The following RNF150 variants were observed in gnomAD, a reference collection of about 807,000 sequenced individuals.
The protein encoded by RNF150 is ring finger protein 150.
In RNF150, 24 loss-of-function variants were observed where a neutral mutation model predicts 39.3. That is an observed-to-expected ratio of 0.61 (90% CI 0.44 to 0.86). RNF150 has a LOEUF of 0.86. RNF150 is among the 40% of genes least tolerant of loss of function. The pLI, the probability that RNF150 is intolerant of heterozygous loss-of-function variation, is 0.00. For missense variants in RNF150, 502 were observed against 587.8 expected (o/e 0.85, Z 1.51); for synonymous variants, 255 against 227.3 (o/e 1.12, Z -1.10).
intron 1 of RNF150, among the ~76,000 whole-genome samples, chr4:141,127,839 T>A (rs1377331023): frequency 6.6e-6 from 1 of 152,050 alleles, no homozygotes; most frequent in South Asian, 2.1e-4. Flanking sequence ...ACACACTCTT[T>A]AAAAAAGAAA....
At chr4:141,123,965 G>T (rs900941916) in intron 1 of RNF150, among the ~76,000 whole-genome samples, 1 of 152,040 alleles carries the variant, frequency 6.6e-6, no homozygotes, top group African/African-American at 2.4e-5. Context: ...TGGATATTTG[G>T]GTTGGTTCCA....
chr4:140,906,954 G>A (rs186638660), intron 6 of RNF150, among the ~76,000 whole-genome samples: 3 of 152,212 alleles, frequency 2.0e-5, no homozygotes, highest in Admixed American at 2.0e-4. Flanking sequence ...ATCACAGGAA[G>A]GTTTCAGACC....
chr4:141,058,122 T>C (rs2110911092), intron 1 of RNF150, among the ~76,000 whole-genome samples: 1 of 152,330 alleles, frequency 6.6e-6, no homozygotes, highest in East Asian at 1.9e-4. Context: ...GATACATCCC[T>C]GTTAAAATGA....
At chr4:141,053,424 A>C (rs931983341) in intron 1 of RNF150, among the ~76,000 whole-genome samples, 40 of 152,246 alleles carry the variant, frequency 2.6e-4, no homozygotes, top group South Asian at 6.2e-4. Context: ...AGGATCATTA[A>C]GAGAAGGGAG....
At chr4:140,956,080 C>T (rs1243187199) in intron 2 of RNF150, among the ~76,000 whole-genome samples, 2 of 152,176 alleles carry the variant, frequency 1.3e-5, no homozygotes, top group Non-Finnish European at 2.9e-5. Flanking sequence ...CAAAAAAGAT[C>T]CCTACTTAGT....
chr4:140,891,699 A>G (rs1240032409), intron 6 of RNF150, among the ~76,000 whole-genome samples: 1 of 151,982 alleles, frequency 6.6e-6, no homozygotes, highest in Non-Finnish European at 1.5e-5. Context: ...ATCTATGCAC[A>G]TCCTTTTGTA....
intron 1 of RNF150, among the ~76,000 whole-genome samples, chr4:141,165,690 G>C (rs896772962): frequency 2.0e-5 from 3 of 152,158 alleles, no homozygotes; most frequent in Non-Finnish European, 4.4e-5. Flanking sequence ...ACCTGCTTCT[G>C]AATGACTACT....
At chr4:141,055,934 G>A (rs1736949015) in intron 1 of RNF150, among the ~76,000 whole-genome samples, 2 of 152,162 alleles carry the variant, frequency 1.3e-5, no homozygotes, top group Non-Finnish European at 2.9e-5. Flanking sequence ...AAATAGTGGA[G>A]TGCATGTTAT....
At chr4:141,032,335 TAGA>T (rs1193521647) in intron 1 of RNF150, among the ~76,000 whole-genome samples, 2 of 152,144 alleles carry the variant, frequency 1.3e-5, no homozygotes, top group African/African-American at 4.8e-5. Flanking sequence ...TTCAGTTAGA[TAGA>T]AGGAGTAAGT....
intron 1 of RNF150, among the ~76,000 whole-genome samples, chr4:141,139,557 T>C (rs537605837): frequency 6.6e-6 from 1 of 152,380 alleles, no homozygotes; most frequent in East Asian, 1.9e-4. Context: ...TATGACTATA[T>C]TCTCAGCGTC....
At chr4:141,023,574 T>C (rs1386211653) in intron 1 of RNF150, among the ~76,000 whole-genome samples, 1 of 152,154 alleles carries the variant, frequency 6.6e-6, no homozygotes, top group East Asian at 1.9e-4. Flanking sequence ...TTTTATATCT[T>C]ATTTTACCTA....
At chr4:141,166,985 G>A (rs957020856) in intron 1 of RNF150, among the ~76,000 whole-genome samples, 1 of 152,082 alleles carries the variant, frequency 6.6e-6, no homozygotes. Context: ...ATTCAAATAG[G>A]AAGAGAGGAA....
intron 1 of RNF150, among the ~76,000 whole-genome samples, chr4:141,068,479 A>C (rs1226878681): frequency 6.6e-6 from 1 of 152,096 alleles, no homozygotes; most frequent in Non-Finnish European, 1.5e-5. Context: ...GTATAGTTTG[A>C]AGTCAGGTAG....
rs896417224 is a variant in RNF150 at position 140,869,959 on chromosome 4, A to G, written c.1199-1580T>C. ...GAAGAAATATGCAATTAAAAAAACC[A>G]ACAAAAATGTATAAGTACTAAAGAA... On this transcript the variant is annotated intron_variant, in intron 6 of 6. Transcript: ENST00000515673. Among the ~76,000 whole-genome samples, 17 of 152,330 alleles carry G rather than the reference A, an allele frequency of 1.1e-4. No individual in the cohort carries two copies. In the East Asian group the frequency reaches 2.9e-3, roughly 26 times the overall value.
chr4:141,115,387 T>C (rs1054974428), intron 1 of RNF150, among the ~76,000 whole-genome samples: 4 of 152,096 alleles, frequency 2.6e-5, no homozygotes, highest in Non-Finnish European at 5.9e-5. Flanking sequence ...AAACTCCCAT[T>C]CACAATTGCT....
intron 1 of RNF150, among the ~76,000 whole-genome samples, chr4:141,188,108 T>A (rs1001726509): frequency 2.6e-5 from 4 of 152,136 alleles, no homozygotes; most frequent in African/African-American, 9.7e-5. Context: ...GCTTATGAAG[T>A]TTAGTTTGGC....
upstream of RNF150, among the ~76,000 whole-genome samples, chr4:141,134,203 T>C (rs1726985168): frequency 6.6e-6 from 1 of 152,132 alleles, no homozygotes; most frequent in East Asian, 1.9e-4. Context: ...TTTGGGTTAT[T>C]GTTTATAGTG....
intron 1 of RNF150, among the ~76,000 whole-genome samples, chr4:141,020,251 AT>A (rs1735442404): frequency 1.3e-5 from 2 of 152,000 alleles, no homozygotes; most frequent in African/African-American, 4.8e-5. Flanking sequence ...ATTAAAAGAT[AT>A]TTTTCTCTTA....
intron 1 of RNF150, among the ~76,000 whole-genome samples, chr4:141,044,798 C>CACACACACACA (rs55764233): frequency 1.8e-4 from 26 of 143,160 alleles, no homozygotes; most frequent in South Asian, 6.8e-4. Context: ...CACACACACA[C>CACACACACACA]AATTCATGTG....
Sources: allele counts gnomAD v4.1 joint callset (sites outside exome capture counted in the v4.1 genomes callset), GRCh38; gene constraint gnomAD v4.1.1; transcripts MANE v1.5; gene names NCBI Gene and HGNC (gene_info 2026-07-23, HGNC 2026-07-21).